The following OGFOD3 variants were observed in gnomAD, a reference collection of about 807,000 sequenced individuals.
The protein encoded by OGFOD3 is 2-oxoglutarate and iron dependent oxygenase domain containing 3, also known as 2-oxoglutarate and iron-dependent oxygenase domain-containing protein 3.
In OGFOD3, 35 loss-of-function variants were observed where a neutral mutation model predicts 39.8. The observed-to-expected ratio is 0.88, with a 90% CI of 0.67 to 1.17. The LOEUF is 1.17. Ranked by LOEUF, OGFOD3 falls within the 50% of genes most tolerant of loss-of-function variation. The pLI, the probability that OGFOD3 is intolerant of heterozygous loss-of-function variation, is 0.00. For synonymous variants in OGFOD3, 200 were observed against 192.0 expected (o/e 1.04, Z -0.34); for missense variants, 438 against 454.5 (o/e 0.96, Z 0.33).
chr17:82,406,542 G>A lies in OGFOD3; in HGVS notation c.424-60C>T. ...GCAGCAATGGCAATGGCTGTTAAAA[G>A]TCATGGATGGTAAATGCGAGTTTCC... On this transcript the variant is annotated intron_variant, in intron 4 of 8. Coordinates refer to ENST00000313056, the MANE Select transcript of OGFOD3 (RefSeq NM_024648.3). The surrounding 1 kb of genome is among the most constrained non-coding windows in gnomAD (Gnocchi z 5.2). The A allele has an allele frequency of 4.3e-6, 6 of 1,400,848 alleles. No individual in the cohort carries two copies. In the South Asian group the frequency reaches 6.9e-5, roughly 16 times the overall value. 86.8% of individuals were successfully genotyped at this position (1,400,848 alleles called of 1,614,324 possible).
At chr17:82,402,584 T>C (rs888122014) in intron 7 of OGFOD3, among the ~76,000 whole-genome samples, 1 of 151,062 alleles carries the variant, frequency 6.6e-6, no homozygotes, top group Admixed American at 6.6e-5. Context: ...CCATCTCTAC[T>C]AAAAATACAA....
In OGFOD3 at chr17:82,404,451, G is replaced by A. The variant is rs1438280390; in HGVS notation, c.546-361C>T. Reference sequence around the variant, plus strand: ...CCTCCTATTCAGCAACGAAGAGGCTGCTGTCCCCCAACGTGAGTGTGCGGG... The same window carrying A: ...CCTCCTATTCAGCAACGAAGAGGCTACTGTCCCCCAACGTGAGTGTGCGGG... On this transcript the variant is annotated intron_variant, in intron 6 of 8. Coordinates refer to ENST00000313056, the MANE Select transcript of OGFOD3 (RefSeq NM_024648.3). The surrounding 1 kb of genome is among the most constrained non-coding windows in gnomAD (Gnocchi z 4.5). 6.6e-6 allele frequency among the ~76,000 whole-genome samples: 1 copy of A among 152,226 alleles called. No homozygotes were observed. The highest frequency in any genetic ancestry group is 1.5e-5 in the Non-Finnish European group (1 of 68,026).
rs2143162579 is a variant in OGFOD3 at position 82,390,874 on chromosome 17, G to A, written c.*1524C>T. The A allele has an allele frequency of 6.9e-6, 1 of 145,808 alleles. No homozygotes were observed. The highest frequency in any genetic ancestry group is 2.1e-4 in the East Asian group (1 of 4,652). The allele number at this position is 145,808 out of a possible 1,614,324, so 9.0% of individuals were successfully genotyped here. On this transcript the variant is annotated 3_prime_UTR_variant, in exon 9 of 9. Coordinates refer to ENST00000313056, the MANE Select transcript of OGFOD3 (RefSeq NM_024648.3). This position sits in a 1 kb window ranked among gnomAD's most constrained non-coding sequence, Gnocchi z 4.9. ...TCCCAGGGGTCACCATGCCTCAGCTGGCCTCACGCCCGCTCCTTCCCAGGG... is the reference window on the plus strand; with the variant it reads ...TCCCAGGGGTCACCATGCCTCAGCTAGCCTCACGCCCGCTCCTTCCCAGGG...
intron 2 of OGFOD3, among the ~76,000 whole-genome samples, chr17:82,411,981 A>G (rs1456259739): frequency 6.6e-6 from 1 of 151,244 alleles, no homozygotes; most frequent in Non-Finnish European, 1.5e-5. Flanking sequence ...AGAGGGGGGA[A>G]CCCTCCTGAG....
rs2052861442 is a variant in OGFOD3 at position 82,406,671 on chromosome 17, C to G, written c.424-189G>C. Among the ~76,000 whole-genome samples, 1 of 152,188 alleles carries G rather than the reference C, an allele frequency of 6.6e-6. No homozygotes were observed. Among genetic ancestry groups the G allele is most frequent in the African/African-American group, 2.4e-5 (1 of 41,442 alleles). ...CCAGGCTAGGGCGCAGTGGCACAATCTCAGCTCATTGCAGCCTCAATATTC... is the reference window on the plus strand; with the variant it reads ...CCAGGCTAGGGCGCAGTGGCACAATGTCAGCTCATTGCAGCCTCAATATTC... On this transcript the variant is annotated intron_variant, in intron 4 of 8. Coordinates refer to ENST00000313056, the MANE Select transcript of OGFOD3 (RefSeq NM_024648.3). This position sits in a 1 kb window ranked among gnomAD's most constrained non-coding sequence, Gnocchi z 5.2.
At chr17:82,416,655 A>AT (rs944832647) in intron 1 of OGFOD3, among the ~76,000 whole-genome samples, 2 of 145,002 alleles carry the variant, frequency 1.4e-5, no homozygotes, top group African/African-American at 2.7e-5. Flanking sequence ...TATTTCTTTT[A>AT]TTTTTTTATT....
chr17:82,392,760 C>G lies in OGFOD3; in HGVS notation c.824-226G>C. The G allele has an allele frequency of 1.7e-6, 1 of 580,580 alleles. No homozygotes were observed. Among genetic ancestry groups the G allele is most frequent in the Non-Finnish European group, 3.0e-6 (1 of 331,054 alleles). 36.0% of individuals were successfully genotyped at this position (580,580 alleles called of 1,614,324 possible). On this transcript the variant is annotated intron_variant, in intron 8 of 8. Transcript: ENST00000313056. This position sits in a 1 kb window ranked among gnomAD's most constrained non-coding sequence, Gnocchi z 4.2. ...GTGGCGGAGGAGGGGCCCCCCGGGG[C>G]CAGCAGGGACTCTGTGGTGGGCAGG... is the stretch of plus-strand genomic sequence containing the variant.
intron 7 of OGFOD3, chr17:82,400,806 C>A (rs1376251592): frequency 6.6e-6 from 1 of 152,172 alleles, no homozygotes; most frequent in Non-Finnish European, 1.5e-5. Flanking sequence ...CGAAAATCAC[C>A]CAGGTTTCTA....
intron 4 of OGFOD3, 147 bp downstream of exon 4, chr17:82,409,221 G>A (rs762377606): frequency 5.8e-5 from 43 of 735,130 alleles, no homozygotes; most frequent in Middle Eastern, 3.8e-4. Flanking sequence ...CAGCTGCTGC[G>A]GCTGGTGCTG....
intron 7 of OGFOD3, 63 bp from the exon 8 acceptor site, chr17:82,398,382 T>C: frequency 6.3e-7 from 1 of 1,587,534 alleles, no homozygotes; most frequent in Non-Finnish European, 8.6e-7. Flanking sequence ...GGGCAGGTGC[T>C]GCTTCTCTCT....
At position 82,390,247 on chromosome 17, in the gene OGFOD3, G is replaced by C. The variant is rs961280469; in HGVS notation, c.*2151C>G. ...CGGCGACATCATCATTTACTCCAAG[G>C]TGACAGGATCAGGTTTCCATGCAGC... On this transcript the variant is annotated 3_prime_UTR_variant, in exon 9 of 9. Coordinates refer to ENST00000313056, the MANE Select transcript of OGFOD3 (RefSeq NM_024648.3). The surrounding 1 kb of genome is among the most constrained non-coding windows in gnomAD (Gnocchi z 4.9). The C allele has an allele frequency of 2.6e-4, 39 of 152,184 alleles. No homozygotes were observed. Among genetic ancestry groups the C allele is most frequent in the African/African-American group, 8.0e-4 (33 of 41,424 alleles). 9.4% of individuals were successfully genotyped at this position (152,184 alleles called of 1,614,324 possible).
rs2052601778 is a variant in OGFOD3, at chr17:82,391,953, G to C, written c.*445C>G. The C allele has an allele frequency of 1.7e-5, 3 of 173,184 alleles. No individual in the cohort carries two copies. In the South Asian group the frequency reaches 4.0e-4, roughly 23 times the overall value. The allele number at this position is 173,184 out of a possible 1,614,324, so 10.7% of individuals were successfully genotyped here. ...CGCCACTCACGGACCCTTCTCCAAA[G>C]CTGCTGCGGTTTGCTGATGCCGAGA... is the stretch of plus-strand genomic sequence containing the variant. On this transcript the variant is annotated 3_prime_UTR_variant, in exon 9 of 9. Transcript: ENST00000313056. This position sits in a 1 kb window ranked among gnomAD's most constrained non-coding sequence, Gnocchi z 5.1.
chr17:82,404,191 C>G lies in OGFOD3; in HGVS notation c.546-101G>C, dbSNP rs938919856. On this transcript the variant is annotated intron_variant, in intron 6 of 8. Transcript: ENST00000313056. The surrounding 1 kb of genome is among the most constrained non-coding windows in gnomAD (Gnocchi z 4.5). ...AGGAAAGGAACCAGCCTTCGTACGG[C>G]TCCGGGCCCGCGGGGCGGGGGCTCC... 7.4e-7 allele frequency: 1 copy of G among 1,353,758 alleles called. No individual in the cohort carries two copies. The highest frequency in any genetic ancestry group is 1.5e-5 in the African/African-American group (1 of 68,486). 83.9% of individuals were successfully genotyped at this position (1,353,758 alleles called of 1,614,324 possible).
chr17:82,398,525 G>A (rs981126319), intron 7 of OGFOD3, among the ~76,000 whole-genome samples: 16 of 152,072 alleles, frequency 1.1e-4, no homozygotes, highest in South Asian at 1.0e-3. Flanking sequence ...TCAGCCTCCC[G>A]AGTAGCTGGG....
rs1304665026 is a variant in OGFOD3 at position 82,418,522 on chromosome 17, C to T, written c.-37G>A. On this transcript the variant is annotated 5_prime_UTR_variant, in exon 1 of 9. Transcript: ENST00000313056. ...GCCGCGGAGCCGGGCCGGACGCGGG[C>T]GCCAGGCCCGGGGACGAACGCCGTA... 3 of 1,251,244 alleles carry T rather than the reference C, an allele frequency of 2.4e-6. No homozygotes were observed. The highest frequency in any genetic ancestry group is 3.1e-6 in the Non-Finnish European group (3 of 978,290). 77.5% of individuals were successfully genotyped at this position (1,251,244 alleles called of 1,614,324 possible).
At chr17:82,397,760 C>T (rs1333274444) in intron 8 of OGFOD3, among the ~76,000 whole-genome samples, 3 of 152,076 alleles carry the variant, frequency 2.0e-5, no homozygotes, top group East Asian at 1.9e-4. Context: ...CAGAGCCACC[C>T]GGTGAGGTTC....
At chr17:82,398,587 C>T (rs1395209715) in intron 7 of OGFOD3, among the ~76,000 whole-genome samples, 1 of 152,072 alleles carries the variant, frequency 6.6e-6, no homozygotes, top group African/African-American at 2.4e-5. Context: ...TTAGTAGAGA[C>T]AGGGTTTCAC....
At chr17:82,416,895 G>A (rs1044018067) in intron 1 of OGFOD3, among the ~76,000 whole-genome samples, 12 of 151,928 alleles carry the variant, frequency 7.9e-5, no homozygotes, top group African/African-American at 2.4e-4. Context: ...GGCTGGTCTC[G>A]AACTCCTGAC....
At chr17:82,414,773 G>A (rs1398420635) in intron 2 of OGFOD3, among the ~76,000 whole-genome samples, 1 of 152,234 alleles carries the variant, frequency 6.6e-6, no homozygotes, top group South Asian at 2.1e-4. Context: ...ACCCAGCGGC[G>A]CATGCTGGAC....
Sources: gnomAD v4.1 joint callset for allele counts (sites outside exome capture counted in the v4.1 genomes callset) on GRCh38, gnomAD v4.1.1 for gene constraint, Gnocchi (gnomAD v3.1) non-coding constraint, MANE v1.5 for transcripts, NCBI Gene and HGNC (gene_info 2026-07-23, HGNC 2026-07-21) for gene names.